MYO18B: variants seen among roughly 807,000 people sequenced by gnomAD.
The protein encoded by MYO18B is myosin XVIIIB.
Under a neutral mutation model 273.0 loss-of-function variants are expected in MYO18B, and 204 were observed. The ratio of observed to expected loss-of-function variants is 0.75; its 90% CI spans 0.67 to 0.84. The LOEUF (loss-of-function observed/expected upper bound fraction) is 0.84. MYO18B is among the 40% of genes least tolerant of loss of function. The pLI, the probability that MYO18B is intolerant of heterozygous loss-of-function variation, is 0.00. For synonymous variants in MYO18B, 1,330 were observed against 1,305.7 expected, an observed-to-expected ratio of 1.02 and a Z score of -0.40; for missense variants, 3,212 against 3,287.6, an observed-to-expected ratio of 0.98 and a Z score of 0.56.
rs375323917 is a variant in MYO18B, at chr22:25,777,595, C to T, written c.1882C>T (p.Arg628Cys). ...VPSAGKVPKG[R>C]RDGLPAHIGS... ...GATCTTCCTGCAGGTGCCCAAGGGC[C>T]GCCGGGATGGCCTGCCTGCCCACAT... The change falls in exon 8 of 44, where the codon CGC becomes TGC. Residue 628 changes from arginine to cysteine, a missense_variant. By Grantham distance (180) the Arg-to-Cys change is radical. Coordinates refer to ENST00000335473, the MANE Select transcript of MYO18B (RefSeq NM_032608.7). 41 of 1,592,170 alleles carry T rather than the reference C, an allele frequency of 2.6e-5. No individual in the cohort carries two copies. The highest frequency in any genetic ancestry group is 3.6e-4 in the Middle Eastern group (2 of 5,604).
chr22:25,979,134 C>T (rs191245880), intron 39 of MYO18B, among the ~76,000 whole-genome samples: 2 of 152,308 alleles, frequency 1.3e-5, no homozygotes, highest in East Asian at 1.9e-4. Flanking sequence ...AATCCAGTGG[C>T]CACTTGAGAA....
intron 39 of MYO18B, among the ~76,000 whole-genome samples, chr22:25,963,097 T>G (rs932784105): frequency 8.6e-5 from 13 of 151,646 alleles, no homozygotes; most frequent in African/African-American, 2.9e-4. Context: ...TGTCTAGACT[T>G]AGGCATGCTG....
intron 12 of MYO18B, among the ~76,000 whole-genome samples, chr22:25,816,117 T>C: frequency 6.6e-6 from 1 of 152,184 alleles, no homozygotes; most frequent in African/African-American, 2.4e-5. Flanking sequence ...AGTTCTAGCC[T>C]CTAAGAATGA....
chr22:25,962,858 T>C (rs1302524241), intron 39 of MYO18B, among the ~76,000 whole-genome samples: 2 of 152,166 alleles, frequency 1.3e-5, no homozygotes, highest in African/African-American at 2.4e-5. Context: ...AGCAAGTGTC[T>C]AGTGAATGCC....
chr22:25,824,673 G>A (rs1195585192), intron 13 of MYO18B, among the ~76,000 whole-genome samples: 4 of 152,096 alleles, frequency 2.6e-5, no homozygotes, highest in African/African-American at 7.2e-5. Flanking sequence ...GGACTTCGGC[G>A]TGAGGACTGA....
At chr22:25,888,685 G>C (rs533704432) in intron 25 of MYO18B, among the ~76,000 whole-genome samples, 1 of 152,344 alleles carries the variant, frequency 6.6e-6, no homozygotes, top group Admixed American at 6.5e-5. Flanking sequence ...CCCTAGGAGA[G>C]TCCCTCATTA....
intron 23 of MYO18B, 128 bp from the exon 24 acceptor site, chr22:25,876,061 T>A: frequency 1.4e-6 from 1 of 710,784 alleles, no homozygotes; most frequent in South Asian, 1.8e-5. Context: ...TTTTAAGGTA[T>A]CCAGTCCCTT....
At chr22:25,762,778 G>A (rs1025003017) in intron 2 of MYO18B, among the ~76,000 whole-genome samples, 4 of 152,276 alleles carry the variant, frequency 2.6e-5, no homozygotes, top group African/African-American at 9.6e-5. Context: ...TGCATAGTAA[G>A]TGATTAATTG....
At chr22:26,004,168 T>C (rs1934225102) in intron 41 of MYO18B, among the ~76,000 whole-genome samples, 1 of 152,032 alleles carries the variant, frequency 6.6e-6, no homozygotes. Flanking sequence ...ATATACATAA[T>C]GTTGAATGAG....
In MYO18B at chr22:25,761,144, C is replaced by G. The variant is rs1169708482; in HGVS notation, c.39+13C>G. ...GTGGGAGCAGAAGGAAAGTGACACT[C>G]ATGGCTGGGGCTGCAGCCATCTGCA... is the stretch of plus-strand genomic sequence containing the variant. On this transcript the variant is annotated intron_variant, in intron 2 of 43. Transcript: ENST00000335473. 3 of 1,612,944 alleles carry G rather than the reference C, an allele frequency of 1.9e-6. No homozygotes were observed. The highest frequency in any genetic ancestry group is 8.5e-7 in the Non-Finnish European group (1 of 1,179,878).
chr22:25,922,245 G>A (rs765474258), intron 34 of MYO18B, among the ~76,000 whole-genome samples: 1 of 152,174 alleles, frequency 6.6e-6, no homozygotes, highest in African/African-American at 2.4e-5. Flanking sequence ...TCCTTGGGCC[G>A]ACTCAAAGGA....
chr22:26,018,189 G>A (rs775428535), intron 42 of MYO18B, among the ~76,000 whole-genome samples: 3 of 152,020 alleles, frequency 2.0e-5, no homozygotes, highest in South Asian at 2.1e-4. Flanking sequence ...TCAAAGACTC[G>A]GCCCCGACCT....
chr22:25,944,415 C>T (rs1378531740), intron 34 of MYO18B, among the ~76,000 whole-genome samples: 1 of 152,062 alleles, frequency 6.6e-6, no homozygotes, highest in Non-Finnish European at 1.5e-5. Flanking sequence ...CGAATGTTTA[C>T]CTTAGGTGAT....
intron 39 of MYO18B, among the ~76,000 whole-genome samples, chr22:25,983,135 G>A (rs1012315948): frequency 2.0e-5 from 3 of 152,172 alleles, no homozygotes; most frequent in African/African-American, 7.2e-5. Flanking sequence ...GTGGGAGGCA[G>A]AGATGGGAGG....
intron 21 of MYO18B, among the ~76,000 whole-genome samples, chr22:25,858,734 G>A (rs1260799914): frequency 6.6e-6 from 1 of 152,204 alleles, no homozygotes; most frequent in East Asian, 1.9e-4. Context: ...AAGGTGGAGA[G>A]ATCTCAGGTT....
chr22:25,992,724 T>C (rs976132291), intron 40 of MYO18B, among the ~76,000 whole-genome samples: 6 of 152,200 alleles, frequency 3.9e-5, no homozygotes, highest in African/African-American at 4.8e-5. Flanking sequence ...AAGCCTTTGG[T>C]GAGGCAATGT....
intron 21 of MYO18B, among the ~76,000 whole-genome samples, chr22:25,860,249 A>C (rs751347867): frequency 5.3e-5 from 8 of 152,208 alleles, no homozygotes; most frequent in Non-Finnish European, 1.2e-4. Context: ...TGGTCAGTGT[A>C]AATAAACTTC....
intron 25 of MYO18B, among the ~76,000 whole-genome samples, chr22:25,880,891 T>C (rs776533862): frequency 2.0e-5 from 3 of 152,244 alleles, no homozygotes; most frequent in Admixed American, 2.0e-4. Context: ...GTAATCTATA[T>C]GCAGATCTGG....
Position 25,768,735 on chromosome 22 carries a change from C to T in MYO18B, c.819C>T (p.Pro273=), listed in dbSNP as rs750464414. 1.1e-5 allele frequency: 17 copies of T among 1,598,026 alleles called. No individual in the cohort carries two copies. Among genetic ancestry groups the T allele is most frequent in the Middle Eastern group, 1.7e-4 (1 of 6,042 alleles). Residue 273 remains proline (P), a synonymous_variant, in exon 4 of 44, where the codon CCC becomes CCT. Coordinates refer to ENST00000335473, the MANE Select transcript of MYO18B (RefSeq NM_032608.7). The part of the protein sequence containing the change: ...RQGTRPQAQG[P]GEGVRPGKAE... ...GGACCAGGCCCCAAGCCCAAGGGCC[C>T]GGCGAGGGGGTGCGACCAGGGAAAG...
Sources: gnomAD v4.1 joint callset for allele counts (sites outside exome capture counted in the v4.1 genomes callset) on GRCh38, gnomAD v4.1.1 for gene constraint, MANE v1.5 for transcripts, NCBI Gene and HGNC (gene_info 2026-07-23, HGNC 2026-07-21) for gene names.